The following DCHS2 variants were observed in gnomAD, a reference collection of about 807,000 sequenced individuals.
DCHS2 encodes dachsous cadherin-related 2.
In DCHS2, 142 loss-of-function variants were observed where a neutral mutation model predicts 182.4. That is an observed-to-expected ratio of 0.78 (90% CI 0.68 to 0.89). The LOEUF (loss-of-function observed/expected upper bound fraction) is 0.89. Among genes scored for constraint, DCHS2 ranks in the 40% least tolerant of loss-of-function variants. DCHS2 has a pLI of 0.00. For missense variants in DCHS2, 4,319 were observed against 4,198.6 expected, an observed-to-expected ratio of 1.03 and a Z score of -0.79; for synonymous variants, 1,740 against 1,663.3, an observed-to-expected ratio of 1.05 and a Z score of -1.12.
chr4:154,310,641 A>G (rs1443734791), intron 10 of DCHS2, among the ~76,000 whole-genome samples: 2 of 152,170 alleles, frequency 1.3e-5, no homozygotes, highest in East Asian at 3.8e-4. Flanking sequence ...TAGACTGGGG[A>G]TGGATCATGG....
chr4:154,234,306 T>C lies in DCHS2; in HGVS notation c.*230A>G. On this transcript the variant is annotated 3_prime_UTR_variant, in exon 20 of 20. Coordinates refer to ENST00000357232, the MANE Select transcript of DCHS2 (RefSeq NM_001358235.2). Reference sequence around the variant, plus strand: ...GACAGAATATACACTACTTAATATATACAAATGTGAGTCCTGAGAGCAACA... The same window carrying C: ...GACAGAATATACACTACTTAATATACACAAATGTGAGTCCTGAGAGCAACA... The C allele has an allele frequency of 3.8e-6, 2 of 527,434 alleles. No individual in the cohort carries two copies. The highest frequency in any genetic ancestry group is 5.9e-5 in the South Asian group (2 of 34,110). 32.7% of individuals were successfully genotyped at this position (527,434 alleles called of 1,614,324 possible). A position where few individuals can be genotyped will look rare whatever the true frequency, so the allele number is the denominator to read the frequency against.
At chr4:154,478,779 G>A (rs1455806329) in intron 1 of DCHS2, among the ~76,000 whole-genome samples, 1 of 152,204 alleles carries the variant, frequency 6.6e-6, no homozygotes, top group South Asian at 2.1e-4. Flanking sequence ...ACTGAAATGG[G>A]GCTTTCACAG....
rs770673575 is a variant in DCHS2 at position 154,237,036 on chromosome 4, A to G, written c.7616T>C (p.Ile2539Thr). The change falls in exon 20 of 20, where the codon ATA (isoleucine) becomes ACA (threonine). Residue 2539 changes from isoleucine to threonine, a missense_variant. Transcript: ENST00000357232. ...AGGGGCATAATTGTTCATATCTTCT[A>G]TTCCTATCTCCACTAAAGTAAGAGC... ...LRALTLVEIGIEDMNNYAPEF... is the reference protein window; with the variant it reads ...LRALTLVEIGTEDMNNYAPEF... The G allele has an allele frequency of 5.0e-6, 8 of 1,613,992 alleles. No individual in the cohort carries two copies. In the East Asian group the frequency reaches 1.8e-4, roughly 36 times the overall value.
chr4:154,483,677 T>C (rs1265205968), intron 1 of DCHS2, among the ~76,000 whole-genome samples: 3 of 152,166 alleles, frequency 2.0e-5, no homozygotes, highest in Non-Finnish European at 4.4e-5. Context: ...GGAGGCTGAA[T>C]ATCTCAGAAG....
At chr4:154,447,428 A>T (rs1734347480) in intron 1 of DCHS2, among the ~76,000 whole-genome samples, 1 of 152,214 alleles carries the variant, frequency 6.6e-6, no homozygotes, top group Non-Finnish European at 1.5e-5. Context: ...AATAAATAGT[A>T]TGTGGATGTC....
chr4:154,472,991 G>A (rs1429752075), intron 1 of DCHS2, among the ~76,000 whole-genome samples: 2 of 152,162 alleles, frequency 1.3e-5, no homozygotes, highest in Non-Finnish European at 2.9e-5. Flanking sequence ...GTAAGGGGAA[G>A]CAACACAGTG....
In DCHS2 at chr4:154,491,386, G is replaced by GGTA; in HGVS notation, c.-34_-32dup. 6.8e-7 allele frequency: 1 copy of GGTA among 1,475,508 alleles called. No individual in the cohort carries two copies. Among genetic ancestry groups the GGTA allele is most frequent in the Non-Finnish European group, 9.0e-7 (1 of 1,110,028 alleles). The allele number at this position is 1,475,508 out of a possible 1,614,324, so 91.4% of individuals were successfully genotyped here. A position where few individuals can be genotyped will look rare whatever the true frequency, so the allele number is the denominator to read the frequency against. Reference sequence around the variant, plus strand: ...CTCCAGCTCCTTGGGAAGGCTCTCGGGTAACTGCCAGCTTGTGGCAGGATC... The same window carrying GGTA: ...CTCCAGCTCCTTGGGAAGGCTCTCGGGTAGTAACTGCCAGCTTGTGGCAGGATC... On this transcript the variant is annotated 5_prime_UTR_variant, in exon 1 of 20. Transcript: ENST00000357232.
Position 154,460,969 on chromosome 4 carries a change from A to T in DCHS2, c.2052+28335T>A, listed in dbSNP as rs190513482. ...GAATCACTGTATGCCATTGTTCCCA[A>T]AATGGGCTTCCAGACCAAGAAAAGC... On this transcript the variant is annotated intron_variant, in intron 1 of 19. Coordinates refer to ENST00000357232, the MANE Select transcript of DCHS2 (RefSeq NM_001358235.2). 2.0e-5 allele frequency among the ~76,000 whole-genome samples: 3 copies of T among 152,276 alleles called. No homozygotes were observed. In the East Asian group the frequency reaches 5.8e-4, roughly 29 times the overall value.
chr4:154,240,229 A>T (rs1228244957), intron 18 of DCHS2, among the ~76,000 whole-genome samples: 2 of 152,160 alleles, frequency 1.3e-5, no homozygotes, highest in African/African-American at 4.8e-5. Context: ...CAGATAATGC[A>T]AACAGTCTTA....
intron 1 of DCHS2, among the ~76,000 whole-genome samples, chr4:154,464,222 T>A (rs1358811207): frequency 1.3e-5 from 2 of 152,054 alleles, no homozygotes; most frequent in Non-Finnish European, 2.9e-5. Context: ...CTGAAACATA[T>A]CACCAAAAAT....
intron 13 of DCHS2, among the ~76,000 whole-genome samples, chr4:154,284,076 T>A (rs1367839681): frequency 6.6e-6 from 1 of 152,202 alleles, no homozygotes; most frequent in Admixed American, 6.5e-5. Context: ...AAATGTACAG[T>A]TACACTTCAC....
intron 1 of DCHS2, among the ~76,000 whole-genome samples, chr4:154,389,860 C>T (rs1178921697): frequency 6.6e-6 from 1 of 151,896 alleles, no homozygotes; most frequent in African/African-American, 2.4e-5. Flanking sequence ...CACAGGAGCT[C>T]TCATTCCAGA....
rs1437098172 is a variant in DCHS2, at chr4:154,335,029, C to T, written c.2552G>A (p.Gly851Asp). 11 of 1,613,916 alleles carry T rather than the reference C, an allele frequency of 6.8e-6. No individual in the cohort carries two copies. Among genetic ancestry groups the T allele is most frequent in the East Asian group, 2.2e-5 (1 of 44,890 alleles). The change falls in exon 4 of 20, where the codon GGT (glycine) becomes GAT (aspartate). Residue 851 changes from glycine (G) to aspartate (D), a missense_variant. Coordinates refer to ENST00000357232, the MANE Select transcript of DCHS2 (RefSeq NM_001358235.2). ...TLSLMVSAQD[G>D]GGLTAVINAD... ...ATTAATGACAGCTGTGAGCCCACCA[C>T]CGTCTTGAGCAGAGACCATCAACGA...
Position 154,259,559 on chromosome 4 carries a change from C to T in DCHS2, c.6775G>A (p.Ala2259Thr). ...ASVSESQLYN[A>T]HVIQVFATDL... Reference sequence around the variant, plus strand: ...ATTTCTGTTACCTGTATGACATGAGCATTGTAGAGTTGGCTTTCAGACACT... The same window carrying T: ...ATTTCTGTTACCTGTATGACATGAGTATTGTAGAGTTGGCTTTCAGACACT... The change falls in exon 15 of 20, where the codon GCT becomes ACT. Residue 2259 changes from alanine to threonine, a missense_variant. Coordinates refer to ENST00000357232, the MANE Select transcript of DCHS2 (RefSeq NM_001358235.2). The T allele has an allele frequency of 1.2e-6, 2 of 1,613,570 alleles. No homozygotes were observed. Among genetic ancestry groups the T allele is most frequent in the Non-Finnish European group, 1.7e-6 (2 of 1,179,898 alleles).
chr4:154,235,439 C>T lies in DCHS2; in HGVS notation c.9213G>A (p.Trp3071Ter). The T allele has an allele frequency of 6.2e-7, 1 of 1,614,066 alleles. No individual in the cohort carries two copies. Among genetic ancestry groups the T allele is most frequent in the Non-Finnish European group, 8.5e-7 (1 of 1,179,976 alleles). ...EVVPVDATPEWLSLISIMEKD... is the reference protein window; with the variant it reads ...EVVPVDATPE ...TCTCCATGATACTTATTAAACTCAACCATTCCGGAGTGGCATCCACAGGGA... is the reference window on the plus strand; with the variant it reads ...TCTCCATGATACTTATTAAACTCAATCATTCCGGAGTGGCATCCACAGGGA... Residue 3071 changes from tryptophan (W) to a stop codon, truncating the protein, a stop_gained, in exon 20 of 20, where the codon TGG (tryptophan) becomes TGA (stop). Transcript: ENST00000357232. LOFTEE classifies it low-confidence loss of function (END_TRUNC).
At chr4:154,337,391 G>A (rs1251005424) in intron 3 of DCHS2, among the ~76,000 whole-genome samples, 1 of 152,084 alleles carries the variant, frequency 6.6e-6, no homozygotes, top group Non-Finnish European at 1.5e-5. Flanking sequence ...TGGTCTTCCT[G>A]CATCCCGACT....
chr4:154,291,289 A>T (rs1052673307), intron 13 of DCHS2, among the ~76,000 whole-genome samples: 1 of 152,120 alleles, frequency 6.6e-6, no homozygotes, highest in Non-Finnish European at 1.5e-5. Context: ...GACAGGAAAA[A>T]AAAAATGCTA....
rs1736048620 is a variant in DCHS2, at chr4:154,321,178, A to G, written c.4221T>C (p.Ile1407=). Residue 1407 remains isoleucine (I), a synonymous_variant, in exon 9 of 20, where the codon ATT becomes ATC. Transcript: ENST00000357232. ...AATTTTCTGGTATAATTAAATGTCT[A>G]ATATTCTGAGACATGATTGCTCTCC... The part of the protein sequence containing the change: ...SKGRAIMSQN[I]RHLIIPENLK... 1 of 1,577,434 alleles carries G rather than the reference A, an allele frequency of 6.3e-7. No individual in the cohort carries two copies. The highest frequency in any genetic ancestry group is 8.6e-7 in the Non-Finnish European group (1 of 1,159,094).
intron 1 of DCHS2, among the ~76,000 whole-genome samples, chr4:154,443,728 C>T (rs1036450020): frequency 1.3e-5 from 2 of 152,222 alleles, no homozygotes; most frequent in Admixed American, 1.3e-4. Flanking sequence ...TTTCAGTATA[C>T]AACATGCTGT....
Sources: gnomAD v4.1 joint callset for allele counts (sites outside exome capture counted in the v4.1 genomes callset) on GRCh38, gnomAD v4.1.1 for gene constraint, MANE v1.5 for transcripts, NCBI Gene and HGNC (gene_info 2026-07-23, HGNC 2026-07-21) for gene names.